The following TRIO variants were observed in gnomAD, a reference collection of about 807,000 sequenced individuals.
The protein encoded by TRIO is trio Rho guanine nucleotide exchange factor.
Under a neutral mutation model 351.9 loss-of-function variants are expected in TRIO, and 58 were observed. The ratio of observed to expected loss-of-function variants is 0.16; its 90% CI spans 0.13 to 0.21. TRIO has a LOEUF of 0.21. Ranked by LOEUF, TRIO falls within the 10% of genes least tolerant of loss-of-function variation. The probability of loss-of-function intolerance (pLI) is 1.00; values close to 1 mark genes in which losing one functional copy is unlikely to be tolerated. For missense variants in TRIO, 3,201 were observed against 4,027.8 expected, an observed-to-expected ratio of 0.79 and a Z score of 5.56; for synonymous variants, 1,758 against 1,595.7, an observed-to-expected ratio of 1.10 and a Z score of -2.42.
chr5:14,231,290 G>A (rs1793411404), intron 1 of TRIO, among the ~76,000 whole-genome samples: 1 of 152,210 alleles, frequency 6.6e-6, no homozygotes, highest in Admixed American at 6.5e-5. Context: ...AGTGGAGGGG[G>A]TGTTACTACT....
intron 17 of TRIO, 89 bp downstream of exon 17, chr5:14,368,988 C>A (rs1744841279): frequency 1.4e-6 from 2 of 1,445,266 alleles, no homozygotes; most frequent in Admixed American, 4.1e-5. Context: ...TTAACATGTT[C>A]ATCGTTATTG....
At chr5:14,423,192 T>G (rs1036304687) in intron 34 of TRIO, among the ~76,000 whole-genome samples, 1 of 152,250 alleles carries the variant, frequency 6.6e-6, no homozygotes, top group African/African-American at 2.4e-5. Context: ...GTTTGTCGTT[T>G]ATGCTGTCTG....
intron 1 of TRIO, among the ~76,000 whole-genome samples, chr5:14,261,689 G>A (rs912361261): frequency 9.2e-5 from 14 of 152,208 alleles, no homozygotes; most frequent in Non-Finnish European, 1.8e-4. Context: ...GAAGGCTTGC[G>A]TTTCCTTTGG....
At chr5:14,463,413 T>A (rs1753977813) in intron 36 of TRIO, among the ~76,000 whole-genome samples, 1 of 152,240 alleles carries the variant, frequency 6.6e-6, no homozygotes, top group Admixed American at 6.5e-5. Flanking sequence ...GTAGGATCCC[T>A]ACGCTAGAGT....
chr5:14,403,420 G>GGTGGTGGGGGTGTAGGTT (rs1167893144), intron 31 of TRIO, among the ~76,000 whole-genome samples: 1 of 88,656 alleles, frequency 1.1e-5, no homozygotes, highest in Non-Finnish European at 2.1e-5. Flanking sequence ...TGTAGGTTGT[G>GGTGGTGGGGGTGTAGGTT]GTGAGGGTGT....
intron 1 of TRIO, among the ~76,000 whole-genome samples, chr5:14,253,642 C>G (rs1253770434): frequency 6.6e-6 from 1 of 152,216 alleles, no homozygotes; most frequent in African/African-American, 2.4e-5. Context: ...CGCACCTGGC[C>G]AGTGCTGGGA....
At chr5:14,385,001 C>A (rs968721900) in intron 21 of TRIO, among the ~76,000 whole-genome samples, 1 of 152,224 alleles carries the variant, frequency 6.6e-6, no homozygotes, top group African/African-American at 2.4e-5. Context: ...ACCATGAGAT[C>A]ATCAACTTTA....
intron 10 of TRIO, among the ~76,000 whole-genome samples, chr5:14,332,553 A>G (rs1740998998): frequency 6.6e-6 from 1 of 152,190 alleles, no homozygotes; most frequent in Non-Finnish European, 1.5e-5. Flanking sequence ...CTAATATAAG[A>G]TGTATTGTTT....
chr5:14,150,351 G>T (rs958242289), intron 1 of TRIO, among the ~76,000 whole-genome samples: 17 of 152,076 alleles, frequency 1.1e-4, no homozygotes, highest in South Asian at 8.3e-4. Flanking sequence ...GCAGGTGAAG[G>T]ATGGGGAACT....
At chr5:14,463,822 C>G (rs567384354) in intron 36 of TRIO, among the ~76,000 whole-genome samples, 1 of 152,118 alleles carries the variant, frequency 6.6e-6, no homozygotes, top group African/African-American at 2.4e-5. Flanking sequence ...CTCTATTTTA[C>G]GACATGGGAT....
chr5:14,509,759 T>C lies in TRIO; in HGVS notation c.*1337T>C. 4.7e-6 allele frequency: 1 copy of C among 214,872 alleles called. No individual in the cohort carries two copies. The highest frequency in any genetic ancestry group is 9.4e-6 in the Non-Finnish European group (1 of 106,750). The allele number at this position is 214,872 out of a possible 1,614,324, so 13.3% of individuals were successfully genotyped here. A position where few individuals can be genotyped will look rare whatever the true frequency, so the allele number is the denominator to read the frequency against. On this transcript the variant is annotated 3_prime_UTR_variant, in exon 57 of 57. Transcript: ENST00000344204. ...GCATTCGCACTGGTGTGGGGAGTCCTTTCAACTCAAGGAGGCTGGGTTTCT... is the reference window on the plus strand; with the variant it reads ...GCATTCGCACTGGTGTGGGGAGTCCCTTCAACTCAAGGAGGCTGGGTTTCT...
intron 46 of TRIO, among the ~76,000 whole-genome samples, chr5:14,484,020 C>G (rs1755735894): frequency 6.6e-6 from 1 of 151,998 alleles, no homozygotes; most frequent in Admixed American, 6.5e-5. Flanking sequence ...TGCACTGCAC[C>G]CATCCCCTGA....
chr5:14,296,198 G>A lies in TRIO; in HGVS notation c.1177-874G>A, dbSNP rs771661680. Among the ~76,000 whole-genome samples, 4 of 152,100 alleles carry A rather than the reference G, an allele frequency of 2.6e-5. No homozygotes were observed. In the South Asian group the frequency reaches 8.3e-4, roughly 32 times the overall value. ...TCAGATTGGGGCAACGTTGAGAGGA[G>A]CCAAAGAGGTATCTACGATTTTGGG... On this transcript the variant is annotated intron_variant, in intron 6 of 56. Coordinates refer to ENST00000344204, the MANE Select transcript of TRIO (RefSeq NM_007118.4).
Position 14,485,123 on chromosome 5 carries a change from C to T in TRIO, c.6712C>T (p.Leu2238=), listed in dbSNP as rs975185210. The T allele has an allele frequency of 1.6e-5, 25 of 1,581,658 alleles. No homozygotes were observed. Among genetic ancestry groups the T allele is most frequent in the Non-Finnish European group, 2.2e-5 (25 of 1,156,868 alleles). Residue 2238 remains leucine (L), a synonymous_variant, in exon 47 of 57, where the codon CTG becomes TTG. Coordinates refer to ENST00000344204, the MANE Select transcript of TRIO (RefSeq NM_007118.4). ...NVENDPCKFA[L]TSRTGDVVET... ...GGAAAATGATCCCTGTAAATTTGCT[C>T]TGACATCGAGGACGGGTGACGTGGT...
At chr5:14,287,149 T>A (rs567342902) in intron 4 of TRIO, 86 bp downstream of exon 4, 268 of 1,297,470 alleles carry the variant, frequency 2.1e-4, no homozygotes, top group Non-Finnish European at 2.6e-4. Flanking sequence ...ATTTTTTTTT[T>A]AAACCACATA....
chr5:14,491,327 G>T (rs1239870209), intron 48 of TRIO, among the ~76,000 whole-genome samples: 1 of 152,216 alleles, frequency 6.6e-6, no homozygotes, highest in Non-Finnish European at 1.5e-5. Flanking sequence ...ACTGACCCAG[G>T]ATCTGCCCAG....
chr5:14,344,810 G>A (rs1018914727), intron 11 of TRIO, among the ~76,000 whole-genome samples: 7 of 152,034 alleles, frequency 4.6e-5, no homozygotes, highest in African/African-American at 7.2e-5. Context: ...AAAGCCTTTC[G>A]TGGGATATAC....
At chr5:14,332,075 C>G (rs1346593990) in intron 10 of TRIO, among the ~76,000 whole-genome samples, 2 of 152,176 alleles carry the variant, frequency 1.3e-5, no homozygotes, top group Non-Finnish European at 2.9e-5. Flanking sequence ...GTTTTGAGAG[C>G]ACAGAAGGTA....
intron 1 of TRIO, among the ~76,000 whole-genome samples, chr5:14,210,206 G>A (rs1791798058): frequency 6.6e-6 from 1 of 152,178 alleles, no homozygotes; most frequent in South Asian, 2.1e-4. Context: ...CTGTGTAGAA[G>A]GTTGGAAGTG....
Sources: allele counts gnomAD v4.1 joint callset (sites outside exome capture counted in the v4.1 genomes callset), GRCh38; gene constraint gnomAD v4.1.1; transcripts MANE v1.5; gene names NCBI Gene and HGNC (gene_info 2026-07-23, HGNC 2026-07-21).